The following MACROD2 variants were observed in gnomAD, a reference collection of about 807,000 sequenced individuals.
MACROD2 encodes ADP-ribose glycohydrolase MACROD2.
Under a neutral mutation model 70.4 loss-of-function variants are expected in MACROD2, and 36 were observed. The ratio of observed to expected loss-of-function variants is 0.51; its 90% CI spans 0.39 to 0.68. MACROD2 has a LOEUF of 0.68. Among genes scored for constraint, MACROD2 ranks in the 30% least tolerant of loss-of-function variants. The pLI is 0.00. For synonymous variants in MACROD2, 172 were observed against 178.8 expected (o/e 0.96, Z 0.30); for missense variants, 496 against 538.4 (o/e 0.92, Z 0.78).
At chr20:14,483,800 TC>T (rs1198251640) in intron 3 of MACROD2, among the ~76,000 whole-genome samples, 1 of 152,254 alleles carries the variant, frequency 6.6e-6, no homozygotes, top group Non-Finnish European at 1.5e-5. Context: ...CTTACTCTAA[TC>T]TTTTCTAGCC....
intron 3 of MACROD2, among the ~76,000 whole-genome samples, chr20:14,413,767 C>CATGTGATGAA (rs1403213676): frequency 1.3e-5 from 2 of 151,920 alleles, no homozygotes; most frequent in African/African-American, 2.4e-5. Context: ...TACCATGTAC[C>CATGTGATGAA]ATGTGATGAA....
At chr20:14,078,021 G>C (rs902861039) in intron 2 of MACROD2, among the ~76,000 whole-genome samples, 1 of 151,256 alleles carries the variant, frequency 6.6e-6, no homozygotes, top group African/African-American at 2.4e-5. Flanking sequence ...TCCTGCCTCA[G>C]CCTCCCGAGT....
At chr20:14,491,087 C>G (rs995529793) in intron 3 of MACROD2, among the ~76,000 whole-genome samples, 1 of 152,110 alleles carries the variant, frequency 6.6e-6, no homozygotes, top group African/African-American at 2.4e-5. Flanking sequence ...AGTCATTTCA[C>G]TTCTGTAAAA....
At position 14,754,969 on chromosome 20, in the gene MACROD2, C is replaced by T. The variant is rs1222485187; in HGVS notation, c.418+70010C>T. On this transcript the variant is annotated intron_variant, in intron 5 of 17. Coordinates refer to ENST00000684519, the MANE Select transcript of MACROD2 (RefSeq NM_001351661.2). ...TAAGGTCTCATGACCCTAAAAATGG[C>T]TTACGATAAGCAAAAGTAATGTCAG... 2.0e-5 allele frequency among the ~76,000 whole-genome samples: 3 copies of T among 151,868 alleles called. No homozygotes were observed. In the East Asian group the frequency reaches 5.8e-4, roughly 29 times the overall value.
At chr20:15,606,349 C>T (rs559563082) in intron 8 of MACROD2, among the ~76,000 whole-genome samples, 1 of 152,300 alleles carries the variant, frequency 6.6e-6, no homozygotes, top group East Asian at 1.9e-4. Context: ...CTTTTTCCTG[C>T]CTCTACTCCT....
intron 8 of MACROD2, among the ~76,000 whole-genome samples, chr20:15,650,965 A>T (rs185551035): frequency 6.6e-6 from 1 of 152,212 alleles, no homozygotes; most frequent in Admixed American, 6.5e-5. Context: ...TGCTCTTGGC[A>T]TAATCTCTTC....
chr20:14,595,422 A>T (rs1222342766), intron 4 of MACROD2, among the ~76,000 whole-genome samples: 2 of 152,154 alleles, frequency 1.3e-5, no homozygotes, highest in African/African-American at 4.8e-5. Flanking sequence ...AACAACGCGA[A>T]CTTCTGTGGC....
chr20:14,656,949 C>A (rs994714940), intron 4 of MACROD2, among the ~76,000 whole-genome samples: 4 of 152,118 alleles, frequency 2.6e-5, no homozygotes, highest in Non-Finnish European at 4.4e-5. Flanking sequence ...ACCTCACTGC[C>A]TTCTCACATG....
chr20:15,469,983 C>A (rs1006704698), intron 7 of MACROD2, among the ~76,000 whole-genome samples: 1 of 152,178 alleles, frequency 6.6e-6, no homozygotes, highest in African/African-American at 2.4e-5. Context: ...GTCAACTTGA[C>A]AATTCTATAG....
chr20:15,835,400 TAATATC>T (rs1364056395), intron 8 of MACROD2, among the ~76,000 whole-genome samples: 8 of 152,138 alleles, frequency 5.3e-5, no homozygotes, highest in East Asian at 1.9e-4. Context: ...GCCTGATACT[TAATATC>T]AATATGAATA....
chr20:15,963,493 C>G (rs1466994754), intron 12 of MACROD2, among the ~76,000 whole-genome samples: 2 of 152,120 alleles, frequency 1.3e-5, no homozygotes, highest in East Asian at 3.8e-4. Context: ...GTTGGATTGT[C>G]CCTCTCATTT....
chr20:14,212,386 A>G (rs144087041), intron 3 of MACROD2, among the ~76,000 whole-genome samples: 4 of 152,300 alleles, frequency 2.6e-5, no homozygotes, highest in African/African-American at 7.2e-5. Flanking sequence ...AGCAGCAGCA[A>G]GATTAGACCT....
intron 5 of MACROD2, among the ~76,000 whole-genome samples, chr20:15,039,568 A>T (rs1429370547): frequency 1.3e-5 from 2 of 151,576 alleles, no homozygotes; most frequent in African/African-American, 4.8e-5. Context: ...GTATTGTTTA[A>T]TGAGCCCTGA....
chr20:14,463,599 C>T (rs1490993123), intron 3 of MACROD2, among the ~76,000 whole-genome samples: 1 of 152,076 alleles, frequency 6.6e-6, no homozygotes, highest in Non-Finnish European at 1.5e-5. Flanking sequence ...GAGAGGGCAT[C>T]CCTGTTTGTG....
chr20:15,759,065 T>G (rs995965618), intron 8 of MACROD2, among the ~76,000 whole-genome samples: 2 of 145,452 alleles, frequency 1.4e-5, no homozygotes, highest in African/African-American at 5.1e-5. Flanking sequence ...AAGAATTGCT[T>G]GAACCTGGAG....
At chr20:14,256,502 A>T (rs950086181) in intron 3 of MACROD2, among the ~76,000 whole-genome samples, 5 of 152,124 alleles carry the variant, frequency 3.3e-5, no homozygotes, top group African/African-American at 1.2e-4. Context: ...GAAACATGTT[A>T]TATTCCCTTA....
At chr20:14,399,111 C>G (rs1568594970) in intron 3 of MACROD2, among the ~76,000 whole-genome samples, 1 of 151,946 alleles carries the variant, frequency 6.6e-6, no homozygotes, top group African/African-American at 2.4e-5. Context: ...CCTCCGCCTC[C>G]CGGGTTCAAG....
intron 5 of MACROD2, among the ~76,000 whole-genome samples, chr20:15,001,629 T>G (rs1176967997): frequency 6.6e-6 from 1 of 152,196 alleles, no homozygotes; most frequent in Non-Finnish European, 1.5e-5. Flanking sequence ...TTTAAAAATC[T>G]AAACTGTGGG....
chr20:15,008,205 G>A (rs890890899), intron 5 of MACROD2, among the ~76,000 whole-genome samples: 1 of 152,082 alleles, frequency 6.6e-6, no homozygotes, highest in Non-Finnish European at 1.5e-5. Context: ...AAATGGGCAG[G>A]CTTAGTGGCT....
Sources: gnomAD v4.1 joint callset for allele counts (sites outside exome capture counted in the v4.1 genomes callset) on GRCh38, gnomAD v4.1.1 for gene constraint, MANE v1.5 for transcripts, NCBI Gene and HGNC (gene_info 2026-07-23, HGNC 2026-07-21) for gene names.